LAMA2: variants seen among roughly 807,000 people sequenced by gnomAD.
The protein encoded by LAMA2 is laminin subunit alpha 2, also known as laminin subunit alpha-2.
LAMA2 carries 269 observed loss-of-function variants against 364.8 expected under a neutral mutation model. The observed-to-expected ratio is 0.74, with a 90% CI of 0.67 to 0.82. The LOEUF (loss-of-function observed/expected upper bound fraction) is 0.82. LAMA2 is among the 40% of genes least tolerant of loss of function. The probability of loss-of-function intolerance (pLI) is 0.00; values close to 1 mark genes in which losing one functional copy is unlikely to be tolerated. For synonymous variants in LAMA2, 1,379 were observed against 1,370.6 expected (o/e 1.01, Z -0.14); for missense variants, 3,807 against 3,873.2 (o/e 0.98, Z 0.45).
At chr6:129,196,985 A>T (rs1285325694) in intron 12 of LAMA2, among the ~76,000 whole-genome samples, 1 of 152,162 alleles carries the variant, frequency 6.6e-6, no homozygotes, top group African/African-American at 2.4e-5. Context: ...ATTCCTCATT[A>T]TACCCTGCTC....
At chr6:129,210,709 TTA>T (rs1350739946) in intron 12 of LAMA2, among the ~76,000 whole-genome samples, 1 of 151,994 alleles carries the variant, frequency 6.6e-6, no homozygotes, top group East Asian at 1.9e-4. Context: ...TGGGAAGAGG[TTA>T]TAATTTTTTA....
intron 1 of LAMA2, among the ~76,000 whole-genome samples, chr6:128,928,581 C>T (rs549432354): frequency 9.9e-5 from 15 of 152,278 alleles, no homozygotes; most frequent in African/African-American, 3.6e-4. Context: ...GTCCCCTTCT[C>T]CTTATTCTTA....
intron 28 of LAMA2, among the ~76,000 whole-genome samples, chr6:129,322,758 A>G (rs1291514362): frequency 6.6e-6 from 1 of 152,188 alleles, no homozygotes; most frequent in Non-Finnish European, 1.5e-5. Context: ...AGAATAGCAA[A>G]TTATTTTCAT....
At chr6:129,229,744 A>G (rs1401959061) in intron 12 of LAMA2, among the ~76,000 whole-genome samples, 1 of 152,150 alleles carries the variant, frequency 6.6e-6, no homozygotes, top group African/African-American at 2.4e-5. Flanking sequence ...AGATATGCTA[A>G]TAGTTTGGCT....
chr6:129,335,201 T>C (rs1011136309), intron 29 of LAMA2, among the ~76,000 whole-genome samples: 7 of 152,176 alleles, frequency 4.6e-5, no homozygotes, highest in Non-Finnish European at 8.8e-5. Flanking sequence ...ATAAATCCTG[T>C]ACATAGGCAT....
intron 58 of LAMA2, among the ~76,000 whole-genome samples, chr6:129,497,354 C>T (rs1480636513): frequency 6.6e-6 from 1 of 152,110 alleles, no homozygotes; most frequent in East Asian, 1.9e-4. Flanking sequence ...CCTCATGCCT[C>T]AGCCTCCTGA....
rs548215309 is a variant in LAMA2, at chr6:129,453,077, C to T, written c.6519C>T (p.Asn2173=). ...KKGSYNNIVV[N]VKTAVADNLL... ...GAAGTTACAATAATATTGTTGTCAA[C>T]GTAAAGACAGCTGTTGCTGATAACC... is the stretch of plus-strand genomic sequence containing the variant. Residue 2173 remains asparagine, a synonymous_variant, in exon 46 of 65, where the codon AAC becomes AAT. Transcript: ENST00000421865. 3.6e-5 allele frequency: 58 copies of T among 1,612,870 alleles called. 1 individual carries two copies. The highest frequency in any genetic ancestry group is 1.7e-4 in the Middle Eastern group (1 of 6,044).
At chr6:128,920,848 G>C (rs770034224) in intron 1 of LAMA2, among the ~76,000 whole-genome samples, 6 of 152,084 alleles carry the variant, frequency 3.9e-5, no homozygotes, top group Non-Finnish European at 7.4e-5. Context: ...GATGTTGAGA[G>C]TATGAAGCAC....
intron 48 of LAMA2, among the ~76,000 whole-genome samples, chr6:129,458,070 T>C (rs1337762808): frequency 2.0e-5 from 3 of 152,096 alleles, no homozygotes; most frequent in Admixed American, 1.3e-4. Context: ...ATACTAATAT[T>C]CTCATTCTGT....
intron 1 of LAMA2, among the ~76,000 whole-genome samples, chr6:128,980,698 A>G (rs1044899927): frequency 1.3e-5 from 2 of 152,176 alleles, no homozygotes; most frequent in South Asian, 2.1e-4. Flanking sequence ...CTGAAATATC[A>G]TGATTGTTAT....
chr6:129,054,863 A>G (rs1788355191), intron 2 of LAMA2, among the ~76,000 whole-genome samples: 1 of 150,850 alleles, frequency 6.6e-6, no homozygotes, highest in Non-Finnish European at 1.5e-5. Flanking sequence ...TGGGGTAGAA[A>G]ATAATTTAGT....
intron 20 of LAMA2, among the ~76,000 whole-genome samples, chr6:129,292,170 C>T (rs973231125): frequency 3.3e-5 from 5 of 152,148 alleles, no homozygotes; most frequent in African/African-American, 1.2e-4. Context: ...GATGGTGAAA[C>T]ACCATCTCTG....
chr6:129,505,774 C>T (rs1253034914), intron 61 of LAMA2, among the ~76,000 whole-genome samples: 5 of 151,866 alleles, frequency 3.3e-5, no homozygotes, highest in Admixed American at 1.3e-4. Context: ...CCTCATGATC[C>T]GCCTGCCTCG....
chr6:129,216,363 A>G (rs1783423946), intron 12 of LAMA2, among the ~76,000 whole-genome samples: 1 of 152,228 alleles, frequency 6.6e-6, no homozygotes, highest in South Asian at 2.1e-4. Flanking sequence ...AATAATTCCT[A>G]TAATTAAACT....
intron 35 of LAMA2, among the ~76,000 whole-genome samples, chr6:129,391,022 T>G (rs931832722): frequency 6.6e-6 from 1 of 152,134 alleles, no homozygotes; most frequent in Non-Finnish European, 1.5e-5. Context: ...AGGAGAACTA[T>G]GTGGAAATAC....
At chr6:128,905,630 TA>T (rs1234204416) in intron 1 of LAMA2, 1 of 152,014 alleles carries the variant, frequency 6.6e-6, no homozygotes, top group African/African-American at 2.4e-5. Flanking sequence ...TTTTTATTTT[TA>T]TTTTTTTCTT....
At chr6:129,266,347 C>T (rs1020714315) in intron 15 of LAMA2, among the ~76,000 whole-genome samples, 3 of 152,110 alleles carry the variant, frequency 2.0e-5, no homozygotes, top group Admixed American at 1.3e-4. Context: ...GACTAAAATA[C>T]CCTGTTTTAA....
chr6:128,941,855 C>T (rs1377214418), intron 1 of LAMA2, among the ~76,000 whole-genome samples: 1 of 152,132 alleles, frequency 6.6e-6, no homozygotes, highest in Non-Finnish European at 1.5e-5. Flanking sequence ...GACGTCATCA[C>T]TGAGACCTCA....
intron 40 of LAMA2, among the ~76,000 whole-genome samples, chr6:129,414,905 A>T (rs1418979192): frequency 6.6e-6 from 1 of 152,168 alleles, no homozygotes; most frequent in Non-Finnish European, 1.5e-5. Flanking sequence ...GCCATCACGT[A>T]TTTCATTAAG....
Sources: gnomAD v4.1 joint callset for allele counts (sites outside exome capture counted in the v4.1 genomes callset) on GRCh38, gnomAD v4.1.1 for gene constraint, MANE v1.5 for transcripts, NCBI Gene and HGNC (gene_info 2026-07-23, HGNC 2026-07-21) for gene names.